Variants in WWOX observed in about 807,000 individuals in gnomAD.
WWOX encodes WW domain-containing oxidoreductase.
In WWOX, 69 loss-of-function variants were observed where a neutral mutation model predicts 46.2. The observed-to-expected ratio is 1.49, with a 90% CI of 1.23 to 1.82. The LOEUF (loss-of-function observed/expected upper bound fraction) is 1.82. Among genes scored for constraint, WWOX ranks in the 40% most tolerant of loss-of-function variants. WWOX has a pLI of 0.00. For missense variants in WWOX, 919 were observed against 542.6 expected (o/e 1.69, Z -6.89); for synonymous variants, 359 against 202.6 (o/e 1.77, Z -6.56).
chr16:79,073,147 TTCGTTA>T (rs1285144087), intron 8 of WWOX, among the ~76,000 whole-genome samples: 2 of 103,430 alleles, frequency 1.9e-5, no homozygotes, highest in African/African-American at 3.7e-5. Context: ...ATAGTAGTTA[TTCGTTA>T]TTATTATTAT....
intron 8 of WWOX, among the ~76,000 whole-genome samples, chr16:79,113,983 G>A (rs1313447281): frequency 6.6e-6 from 1 of 152,188 alleles, no homozygotes; most frequent in African/African-American, 2.4e-5. Flanking sequence ...TCTATGTCTG[G>A]CGATGTGCTC....
intron 8 of WWOX, among the ~76,000 whole-genome samples, chr16:79,120,308 C>T (rs973839912): frequency 6.6e-6 from 1 of 152,180 alleles, no homozygotes; most frequent in East Asian, 1.9e-4. Flanking sequence ...AAGGTATGCT[C>T]AAGCTATTGC....
At chr16:78,986,833 G>A (rs987361682) in intron 8 of WWOX, among the ~76,000 whole-genome samples, 1 of 152,082 alleles carries the variant, frequency 6.6e-6, no homozygotes, top group African/African-American at 2.4e-5. Flanking sequence ...AGATTTTTGG[G>A]CATCTTTTTG....
intron 5 of WWOX, among the ~76,000 whole-genome samples, chr16:78,284,884 A>G (rs2079741468): frequency 6.6e-6 from 1 of 152,116 alleles, no homozygotes; most frequent in Non-Finnish European, 1.5e-5. Flanking sequence ...TTCTTCCATT[A>G]TGTTTAGTAT....
chr16:78,117,333 C>T (rs892882586), intron 4 of WWOX, among the ~76,000 whole-genome samples: 1 of 152,020 alleles, frequency 6.6e-6, no homozygotes, highest in Non-Finnish European at 1.5e-5. Context: ...GCTCTTTCCC[C>T]AGCTGTCACC....
intron 8 of WWOX, among the ~76,000 whole-genome samples, chr16:78,464,887 C>T (rs182461725): frequency 2.0e-5 from 3 of 152,086 alleles, no homozygotes; most frequent in Non-Finnish European, 4.4e-5. Context: ...GAAGAAATAC[C>T]CGAGACTGGG....
intron 8 of WWOX, among the ~76,000 whole-genome samples, 183 bp from the exon 9 acceptor site, chr16:79,211,425 A>G (rs950300551): frequency 6.6e-6 from 1 of 152,208 alleles, no homozygotes; most frequent in Non-Finnish European, 1.5e-5. Flanking sequence ...TCGTTTTTCC[A>G]GGATAGTCAC....
chr16:78,263,996 C>CTTTTTATTTTTTTTT (rs2079304819), intron 5 of WWOX, among the ~76,000 whole-genome samples: 2 of 78,826 alleles, frequency 2.5e-5, no homozygotes, highest in African/African-American at 1.2e-4. Flanking sequence ...GCTGTGAAAT[C>CTTTTTATTTTTTTTT]TTTTTTTTTT....
chr16:78,582,616 T>C (rs1314391154), intron 8 of WWOX, among the ~76,000 whole-genome samples: 1 of 152,174 alleles, frequency 6.6e-6, no homozygotes, highest in Admixed American at 6.5e-5. Context: ...ATCAGTCTAT[T>C]GGTGGTTGAT....
intron 8 of WWOX, among the ~76,000 whole-genome samples, chr16:79,094,094 C>T (rs1045300494): frequency 2.0e-5 from 3 of 152,196 alleles, no homozygotes; most frequent in African/African-American, 7.2e-5. Context: ...CTCATCCCAC[C>T]TCCTCACTCC....
chr16:78,688,062 T>C (rs75787796), intron 8 of WWOX, among the ~76,000 whole-genome samples: 1,905 of 151,988 alleles, frequency 0.013, 21 homozygotes, highest in South Asian at 0.037. Context: ...CTTCTTAGAA[T>C]GTCACAGGCC....
intron 8 of WWOX, among the ~76,000 whole-genome samples, chr16:79,126,270 A>T (rs1201522848): frequency 6.6e-6 from 1 of 152,096 alleles, no homozygotes; most frequent in Non-Finnish European, 1.5e-5. Context: ...AAGGGTAAGC[A>T]CCTAGTCAAC....
chr16:79,126,189 T>A (rs565793739), intron 8 of WWOX, among the ~76,000 whole-genome samples: 3 of 152,066 alleles, frequency 2.0e-5, no homozygotes, highest in African/African-American at 7.2e-5. Context: ...GGATGTGAGC[T>A]GAGGCTTGGA....
At chr16:78,537,686 C>T (rs369716026) in intron 8 of WWOX, among the ~76,000 whole-genome samples, 12 of 151,940 alleles carry the variant, frequency 7.9e-5, no homozygotes, top group African/African-American at 2.7e-4. Context: ...GGAGTTAGAG[C>T]CAGGGTCCCA....
rs2044468305 is a variant in WWOX at position 78,562,715 on chromosome 16, C to A, written c.1056+129963C>A. On this transcript the variant is annotated intron_variant, in intron 8 of 8. Transcript: ENST00000566780. ...GCACTCACTGACAATCTGATCGCTCCCCTGAATGGAGGTGAAAGCATGCAA... is the reference window on the plus strand; with the variant it reads ...GCACTCACTGACAATCTGATCGCTCACCTGAATGGAGGTGAAAGCATGCAA... Among the ~76,000 whole-genome samples, 3 of 152,150 alleles carry A rather than the reference C, an allele frequency of 2.0e-5. No individual in the cohort carries two copies. In the South Asian group the frequency reaches 6.2e-4, roughly 32 times the overall value.
chr16:78,883,229 G>T (rs886829664), intron 8 of WWOX, among the ~76,000 whole-genome samples: 1 of 152,136 alleles, frequency 6.6e-6, no homozygotes, highest in Non-Finnish European at 1.5e-5. Flanking sequence ...CCCCTCTTAA[G>T]CTTTGTGAAC....
At chr16:78,879,944 T>A (rs2044309742) in intron 8 of WWOX, among the ~76,000 whole-genome samples, 1 of 152,142 alleles carries the variant, frequency 6.6e-6, no homozygotes, top group Non-Finnish European at 1.5e-5. Context: ...TCTGGTATTA[T>A]CCTTTAGTTT....
chr16:78,173,339 T>C (rs2035223693), intron 5 of WWOX, among the ~76,000 whole-genome samples: 1 of 152,080 alleles, frequency 6.6e-6, no homozygotes, highest in Non-Finnish European at 1.5e-5. Context: ...CCCAGGCTGG[T>C]GTTCAGTGGC....
chr16:79,093,780 T>C (rs2049012844), intron 8 of WWOX, among the ~76,000 whole-genome samples: 1 of 152,204 alleles, frequency 6.6e-6, no homozygotes, highest in Non-Finnish European at 1.5e-5. Flanking sequence ...GATACTTTTC[T>C]CTCTTGCTTC....
Sources: allele counts gnomAD v4.1 joint callset (sites outside exome capture counted in the v4.1 genomes callset), GRCh38; gene constraint gnomAD v4.1.1; transcripts MANE v1.5; gene names NCBI Gene and HGNC (gene_info 2026-07-23, HGNC 2026-07-21).